The following ARHGAP19 variants were observed in gnomAD, a reference collection of about 807,000 sequenced individuals.
The protein encoded by ARHGAP19 is Rho GTPase activating protein 19, also known as rho GTPase-activating protein 19.
ARHGAP19 carries 48 observed loss-of-function variants against 60.9 expected under a neutral mutation model. The ratio of observed to expected loss-of-function variants is 0.79; its 90% CI spans 0.62 to 1.00. The LOEUF (loss-of-function observed/expected upper bound fraction) is 1.00, where lower values mean the gene tolerates loss of function less well. Ranked by LOEUF, ARHGAP19 falls within the 50% of genes least tolerant of loss-of-function variation. ARHGAP19 has a pLI of 0.00. For synonymous variants in ARHGAP19, 209 were observed against 215.5 expected, an observed-to-expected ratio of 0.97 and a Z score of 0.27; for missense variants, 562 against 597.2, an observed-to-expected ratio of 0.94 and a Z score of 0.61.
intron 8 of ARHGAP19, among the ~76,000 whole-genome samples, chr10:97,239,575 TG>T (rs1191495278): frequency 3.3e-5 from 5 of 149,894 alleles, no homozygotes; most frequent in African/African-American, 1.2e-4. Flanking sequence ...TGTGTGTGTG[TG>T]TGTGTGTGTG....
intron 7 of ARHGAP19, 84 bp from the exon 8 acceptor site, chr10:97,244,243 A>T: frequency 8.8e-7 from 1 of 1,142,522 alleles, no homozygotes; most frequent in Non-Finnish European, 1.2e-6. Flanking sequence ...GAACAAAAAA[A>T]GGGAGAGTGG....
intron 1 of ARHGAP19, among the ~76,000 whole-genome samples, chr10:97,272,917 T>C (rs191960841): frequency 6.6e-6 from 1 of 151,260 alleles, no homozygotes; most frequent in East Asian, 2.0e-4. Context: ...CTCGGCTGAC[T>C]GCAAGCTCTG....
intron 8 of ARHGAP19, among the ~76,000 whole-genome samples, chr10:97,239,115 C>G (rs1842427818): frequency 6.6e-6 from 1 of 152,166 alleles, no homozygotes; most frequent in Non-Finnish European, 1.5e-5. Context: ...TAAGTACACT[C>G]TATGATGTTC....
At chr10:97,269,213 A>G (rs1589375028) in intron 1 of ARHGAP19, among the ~76,000 whole-genome samples, 1 of 152,230 alleles carries the variant, frequency 6.6e-6, no homozygotes, top group African/African-American at 2.4e-5. Context: ...AATTGTTAAT[A>G]ACAGTATAGT....
Position 97,264,901 on chromosome 10 carries a change from C to CT in ARHGAP19, c.327dup (p.Gly110ArgfsTer21). On this transcript the variant is annotated frameshift_variant, in exon 3 of 12. Coordinates refer to ENST00000358531, the MANE Select transcript of ARHGAP19 (RefSeq NM_032900.6). LOFTEE classifies it high-confidence loss of function. ...GTCAGTGGGGACCCAAATATCACTC[C>CT]TTTTTCTGAAAAACCATATGATATG... 1 of 1,612,628 alleles carries CT rather than the reference C, an allele frequency of 6.2e-7. No homozygotes were observed.
chr10:97,226,219 A>G, intron 11 of ARHGAP19, 87 bp from the exon 12 acceptor site: 2 of 1,366,540 alleles, frequency 1.5e-6, no homozygotes, highest in South Asian at 2.5e-5. Context: ...CAGGGTCTAC[A>G]CTTAATATTT....
At chr10:97,274,313 A>C (rs1442202067) in intron 1 of ARHGAP19, among the ~76,000 whole-genome samples, 3 of 152,086 alleles carry the variant, frequency 2.0e-5, no homozygotes, top group Admixed American at 2.0e-4. Context: ...AAAAATACAA[A>C]AATTAGCAGG....
At chr10:97,272,153 T>TTC (rs1277947142) in intron 1 of ARHGAP19, among the ~76,000 whole-genome samples, 1 of 147,578 alleles carries the variant, frequency 6.8e-6, no homozygotes, top group South Asian at 2.2e-4. Flanking sequence ...TTTTTTTTTT[T>TTC]CAGACAGAGT....
intron 1 of ARHGAP19, among the ~76,000 whole-genome samples, chr10:97,284,673 CTA>C (rs995555662): frequency 4.6e-5 from 7 of 151,396 alleles, no homozygotes; most frequent in Admixed American, 2.0e-4. Context: ...GCCTGGCTAA[CTA>C]TTTTTATTTT....
intron 1 of ARHGAP19, among the ~76,000 whole-genome samples, chr10:97,282,839 C>CTTTTTTTTT (rs56387291): frequency 1.1e-5 from 1 of 90,990 alleles, no homozygotes; most frequent in African/African-American, 3.7e-5. Flanking sequence ...TTTCTTTTTT[C>CTTTTTTTTT]TTTTTTTTTT....
intron 9 of ARHGAP19, among the ~76,000 whole-genome samples, chr10:97,231,593 C>A (rs941339946): frequency 6.6e-6 from 1 of 152,122 alleles, no homozygotes; most frequent in Non-Finnish European, 1.5e-5. Flanking sequence ...TTTCTCTTAG[C>A]ATAATATCTT....
At chr10:97,237,482 G>C (rs978901042) in intron 8 of ARHGAP19, among the ~76,000 whole-genome samples, 2 of 152,126 alleles carry the variant, frequency 1.3e-5, no homozygotes, top group African/African-American at 4.8e-5. Flanking sequence ...TTACTCAAGT[G>C]ACTGCAGTGA....
intron 1 of ARHGAP19, among the ~76,000 whole-genome samples, chr10:97,288,578 TAAAAAAAA>T (rs923536030): frequency 2.6e-5 from 3 of 114,340 alleles, no homozygotes; most frequent in Non-Finnish European, 5.5e-5. Flanking sequence ...AGACTCCATC[TAAAAAAAA>T]AAAAGAAAAA....
At chr10:97,277,905 CAG>C in intron 1 of ARHGAP19, 1 of 152,298 alleles carries the variant, frequency 6.6e-6, no homozygotes, top group South Asian at 2.1e-4. Context: ...TCTTGGGAAA[CAG>C]AGAAGCCTAA....
At chr10:97,282,151 T>C (rs1426677281) in intron 1 of ARHGAP19, among the ~76,000 whole-genome samples, 3 of 152,152 alleles carry the variant, frequency 2.0e-5, no homozygotes, top group Non-Finnish European at 4.4e-5. Context: ...CATCCAAGCT[T>C]AACCAACTGA....
chr10:97,288,279 G>A (rs929824433), intron 1 of ARHGAP19, among the ~76,000 whole-genome samples: 4 of 152,030 alleles, frequency 2.6e-5, no homozygotes, highest in South Asian at 2.1e-4. Flanking sequence ...TCAACAGAAC[G>A]TTAGAAAGAT....
intron 1 of ARHGAP19, among the ~76,000 whole-genome samples, chr10:97,278,339 T>C (rs1444106375): frequency 4.6e-5 from 7 of 152,230 alleles, no homozygotes; most frequent in Admixed American, 3.9e-4. Context: ...TTATTTTAAA[T>C]GGTTGCTGCT....
At chr10:97,269,197 A>G (rs974737566) in intron 1 of ARHGAP19, among the ~76,000 whole-genome samples, 7 of 152,210 alleles carry the variant, frequency 4.6e-5, no homozygotes, top group African/African-American at 1.2e-4. Flanking sequence ...TCAATACTAC[A>G]TGGATAATTG....
intron 8 of ARHGAP19, among the ~76,000 whole-genome samples, chr10:97,237,888 C>CA (rs1386653016): frequency 2.0e-5 from 3 of 151,636 alleles, no homozygotes; most frequent in Non-Finnish European, 4.4e-5. Context: ...AAACAAAAAA[C>CA]AAAAAAACAA....
Sources: gnomAD v4.1 joint callset for allele counts (sites outside exome capture counted in the v4.1 genomes callset) on GRCh38, gnomAD v4.1.1 for gene constraint, MANE v1.5 for transcripts, NCBI Gene and HGNC (gene_info 2026-07-23, HGNC 2026-07-21) for gene names.